The following CDH23 variants were observed in gnomAD, a reference collection of about 807,000 sequenced individuals.
CDH23 encodes cadherin-23.
A neutral mutation model predicts 317.1 loss-of-function variants in CDH23; 189 were observed. The ratio of observed to expected loss-of-function variants is 0.60; its 90% CI spans 0.53 to 0.67. The LOEUF (loss-of-function observed/expected upper bound fraction) is 0.67, where lower values mean the gene tolerates loss of function less well. CDH23 is among the 30% of genes least tolerant of loss of function. The pLI is 0.00. For missense variants in CDH23, 4,401 were observed against 4,592.4 expected (o/e 0.96, Z 1.20); for synonymous variants, 1,839 against 1,876.8 (o/e 0.98, Z 0.52).
chr10:71,606,859 C>T (rs1344582345), intron 9 of CDH23, among the ~76,000 whole-genome samples: 1 of 152,098 alleles, frequency 6.6e-6, no homozygotes, highest in Non-Finnish European at 1.5e-5. Context: ...GCTTGGGAAG[C>T]TTTGGGGAGG....
chr10:71,422,140 A>G (rs985130768), intron 1 of CDH23, among the ~76,000 whole-genome samples: 7 of 151,780 alleles, frequency 4.6e-5, no homozygotes, highest in African/African-American at 1.7e-4. Context: ...CATGGCAGAC[A>G]CATGGGTCTA....
intron 9 of CDH23, among the ~76,000 whole-genome samples, chr10:71,583,943 A>G (rs1858841854): frequency 6.6e-6 from 1 of 151,426 alleles, no homozygotes; most frequent in Admixed American, 6.6e-5. Context: ...ACTAGTTCTC[A>G]AAGTGTGCTC....
intron 24 of CDH23, among the ~76,000 whole-genome samples, chr10:71,703,830 G>C (rs1291224970): frequency 6.6e-6 from 1 of 152,212 alleles, no homozygotes; most frequent in East Asian, 1.9e-4. Context: ...GGCGGGGTGA[G>C]AGCAAGTCAA....
chr10:71,517,909 G>T (rs1854432066), intron 6 of CDH23, among the ~76,000 whole-genome samples: 1 of 152,168 alleles, frequency 6.6e-6, no homozygotes, highest in South Asian at 2.1e-4. Context: ...CCCTCTGTCA[G>T]CACAGTGACA....
intron 14 of CDH23, among the ~76,000 whole-genome samples, chr10:71,671,293 T>C (rs1864136304): frequency 6.6e-6 from 1 of 152,026 alleles, no homozygotes. Context: ...AGGTACAATA[T>C]GAAAATGGCC....
At chr10:71,499,424 T>C (rs1345553686) in intron 3 of CDH23, among the ~76,000 whole-genome samples, 1 of 151,700 alleles carries the variant, frequency 6.6e-6, no homozygotes, top group African/African-American at 2.4e-5. Flanking sequence ...TAGCCACGCA[T>C]AGTGGCACAT....
At chr10:71,679,581 C>A in intron 17 of CDH23, 89 bp downstream of exon 17, 1 of 1,019,836 alleles carries the variant, frequency 9.8e-7, no homozygotes. Flanking sequence ...ATGAGGCGGG[C>A]ACTCCTTGTC....
intron 3 of CDH23, among the ~76,000 whole-genome samples, chr10:71,485,017 T>C (rs576191923): frequency 1.1e-3 from 149 of 129,750 alleles, no homozygotes; most frequent in Non-Finnish European, 1.8e-3. Flanking sequence ...TTTTCGTTTC[T>C]TTTTTCTTTT....
At chr10:71,718,826 G>A (rs1866413577) in intron 28 of CDH23, among the ~76,000 whole-genome samples, 1 of 152,106 alleles carries the variant, frequency 6.6e-6, no homozygotes, top group Admixed American at 6.5e-5. Context: ...CAGCACTTTG[G>A]GAGGCCAAGG....
intron 38 of CDH23, among the ~76,000 whole-genome samples, chr10:71,777,330 G>T (rs192894303): frequency 5.0e-4 from 76 of 152,298 alleles, no homozygotes; most frequent in East Asian, 1.7e-3. Context: ...GACTACCAGG[G>T]TTCATCCCAT....
At chr10:71,789,794 A>G (rs2132946852) in intron 45 of CDH23, among the ~76,000 whole-genome samples, 1 of 152,334 alleles carries the variant, frequency 6.6e-6, no homozygotes, top group East Asian at 1.9e-4. Context: ...CGAGTGCACA[A>G]CCAGGGAATC....
intron 11 of CDH23, among the ~76,000 whole-genome samples, chr10:71,622,075 T>A (rs897315694): frequency 1.3e-5 from 2 of 152,004 alleles, no homozygotes; most frequent in African/African-American, 2.4e-5. Context: ...TGGGAGCTCA[T>A]CTCTGAGTTT....
intron 8 of CDH23, among the ~76,000 whole-genome samples, chr10:71,573,562 C>T (rs535326015): frequency 1.5e-4 from 23 of 152,324 alleles, no homozygotes; most frequent in African/African-American, 3.4e-4. Context: ...CCTTAGCTTC[C>T]GGTCTCCTGA....
intron 3 of CDH23, chr10:71,508,009 C>T (rs1333221530): frequency 1.3e-5 from 2 of 152,248 alleles, no homozygotes; most frequent in Non-Finnish European, 2.9e-5. Context: ...GGATTTTACT[C>T]CTCCTTCTCA....
Position 71,800,763 on chromosome 10 carries a change from G to A in CDH23, c.7482+8G>A, listed in dbSNP as rs751159730. Reference sequence around the variant, plus strand: ...CGCGAAAATTCAGTGCAGGTGAGGGGTGCCAACCTGGGCCAGGGATGACAG... The same window carrying A: ...CGCGAAAATTCAGTGCAGGTGAGGGATGCCAACCTGGGCCAGGGATGACAG... On this transcript the variant is annotated splice_region_variant and intron_variant, in intron 53 of 69. Transcript: ENST00000224721. 2.0e-5 allele frequency: 33 copies of A among 1,613,300 alleles called. No homozygotes were observed. Among genetic ancestry groups the A allele is most frequent in the Non-Finnish European group, 1.5e-5 (18 of 1,179,652 alleles).
chr10:71,585,599 A>C (rs1164010822), intron 9 of CDH23, among the ~76,000 whole-genome samples: 1 of 152,186 alleles, frequency 6.6e-6, no homozygotes, highest in Non-Finnish European at 1.5e-5. Flanking sequence ...TGTTATTTGC[A>C]GTTCTCTCCC....
At chr10:71,548,647 GAGGGAAAA>G (rs1856419571) in intron 6 of CDH23, among the ~76,000 whole-genome samples, 1 of 152,226 alleles carries the variant, frequency 6.6e-6, no homozygotes, top group Admixed American at 6.5e-5. Context: ...CACAGAGACA[GAGGGAAAA>G]AGGAAGTAGT....
chr10:71,550,672 C>T (rs987308469), intron 6 of CDH23, among the ~76,000 whole-genome samples: 3 of 151,980 alleles, frequency 2.0e-5, no homozygotes, highest in Admixed American at 2.0e-4. Context: ...ACAGCTGCTT[C>T]AGGCCCAAGT....
intron 3 of CDH23, among the ~76,000 whole-genome samples, chr10:71,496,824 G>GGCTGGCAGCCTCGTA (rs368531457): frequency 1.6e-5 from 2 of 124,340 alleles, no homozygotes; most frequent in African/African-American, 2.8e-5. Context: ...TATGTGGTCT[G>GGCTGGCAGCCTCGTA]GTGTACAGAT....
Sources: gnomAD v4.1 joint callset for allele counts (sites outside exome capture counted in the v4.1 genomes callset) on GRCh38, gnomAD v4.1.1 for gene constraint, MANE v1.5 for transcripts, NCBI Gene and HGNC (gene_info 2026-07-23, HGNC 2026-07-21) for gene names.